KDM4D: variants seen among roughly 807,000 people sequenced by gnomAD.
KDM4D encodes lysine-specific demethylase 4D.
For missense variants in KDM4D, 427 were observed against 674.8 expected (o/e 0.63, Z 4.07); for synonymous variants, 254 against 249.1 (o/e 1.02, Z -0.19).
intron 2 of KDM4D, among the ~76,000 whole-genome samples, chr11:94,977,296 G>T (rs1857805136): frequency 6.6e-6 from 1 of 151,946 alleles, no homozygotes; most frequent in African/African-American, 2.4e-5. Context: ...CAGTCAGACA[G>T]CGGGGGGCAT....
intron 2 of KDM4D, among the ~76,000 whole-genome samples, chr11:94,995,876 C>T (rs114533818): frequency 0.014 from 2,153 of 152,234 alleles, 52 homozygotes; most frequent in African/African-American, 0.05. Flanking sequence ...CTGGAAAAAT[C>T]CTAACCCTGA....
At chr11:94,995,249 C>T (rs587702617) in intron 2 of KDM4D, among the ~76,000 whole-genome samples, 3 of 152,214 alleles carry the variant, frequency 2.0e-5, no homozygotes, top group East Asian at 3.9e-4. Flanking sequence ...TTTCTCTATA[C>T]CTTGGTTTCT....
chr11:94,985,534 C>T (rs1037725019), intron 2 of KDM4D, among the ~76,000 whole-genome samples: 8 of 151,952 alleles, frequency 5.3e-5, no homozygotes, highest in Admixed American at 4.6e-4. Flanking sequence ...TGATGCAATC[C>T]TACCATCATT....
chr11:94,989,228 T>C (rs587596997), intron 2 of KDM4D, among the ~76,000 whole-genome samples: 1 of 152,308 alleles, frequency 6.6e-6, no homozygotes, highest in South Asian at 2.1e-4. Flanking sequence ...TATTGAGTAG[T>C]TTACAGAATC....
intron 2 of KDM4D, among the ~76,000 whole-genome samples, chr11:94,980,247 G>A (rs1857832554): frequency 6.6e-6 from 1 of 152,042 alleles, no homozygotes; most frequent in South Asian, 2.1e-4. Flanking sequence ...ATATTCTCAG[G>A]TATTATCTTC....
chr11:94,986,814 C>T (rs75721321), intron 2 of KDM4D, among the ~76,000 whole-genome samples: 1,810 of 152,240 alleles, frequency 0.012, 46 homozygotes, highest in African/African-American at 0.041. Context: ...TATACTCCTA[C>T]GTATCTACCC....
At chr11:94,996,359 C>T (rs1487190564) in intron 2 of KDM4D, among the ~76,000 whole-genome samples, 1 of 152,196 alleles carries the variant, frequency 6.6e-6, no homozygotes, top group Non-Finnish European at 1.5e-5. Context: ...CCCCCCTACA[C>T]AACAACCCCT....
Position 94,997,687 on chromosome 11 carries a change from A to C in KDM4D, c.315A>C (p.Ala105=), listed in dbSNP as rs1215245527. 5.0e-6 allele frequency: 8 copies of C among 1,614,250 alleles called. No individual in the cohort carries two copies. The highest frequency in any genetic ancestry group is 6.8e-6 in the Non-Finnish European group (8 of 1,180,034). The part of the protein sequence containing the change: ...AMTVGEYRHL[A]NSKKYQTPPH... ...CTGTGGGGGAGTATCGCCATTTGGC[A>C]AACAGTAAAAAATATCAGACTCCAC... The change falls in exon 3 of 3, where the codon GCA becomes GCC. Residue 105 remains alanine (A), a synonymous_variant. Coordinates refer to ENST00000335080, the MANE Select transcript of KDM4D (RefSeq NM_018039.3).
intron 2 of KDM4D, among the ~76,000 whole-genome samples, chr11:94,993,626 A>C (rs1375085440): frequency 6.6e-6 from 1 of 151,982 alleles, no homozygotes; most frequent in Non-Finnish European, 1.5e-5. Flanking sequence ...TCTTCCTAGA[A>C]TCCTTAGAAA....
chr11:94,992,538 A>T (rs1488967913), intron 2 of KDM4D, among the ~76,000 whole-genome samples: 1 of 152,022 alleles, frequency 6.6e-6, no homozygotes, highest in African/African-American at 2.4e-5. Flanking sequence ...TAAAATATAT[A>T]TTTTTTCAAA....
chr11:94,979,785 G>A (rs1555097387), intron 2 of KDM4D, among the ~76,000 whole-genome samples: 1 of 152,082 alleles, frequency 6.6e-6, no homozygotes, highest in Non-Finnish European at 1.5e-5. Context: ...GAACATTTCT[G>A]TAAATGTGCA....
chr11:94,979,965 A>G (rs181059520), intron 2 of KDM4D, among the ~76,000 whole-genome samples: 29 of 152,290 alleles, frequency 1.9e-4, no homozygotes, highest in African/African-American at 5.8e-4. Context: ...CTGATTATTA[A>G]TTCACATGTT....
chr11:94,997,699 AT>A lies in KDM4D; in HGVS notation c.328del (p.Tyr110IlefsTer63). ...EYRHLANSKK[Y>X]QTPPHQNFED... Reference sequence around the variant, plus strand: ...ATCGCCATTTGGCAAACAGTAAAAAATATCAGACTCCACCACACCAGAATTT... The same window carrying A: ...ATCGCCATTTGGCAAACAGTAAAAAAATCAGACTCCACCACACCAGAATTT... On this transcript the variant is annotated frameshift_variant, in exon 3 of 3. Coordinates refer to ENST00000335080, the MANE Select transcript of KDM4D (RefSeq NM_018039.3). LOFTEE classifies it low-confidence loss of function (END_TRUNC). 6.2e-7 allele frequency: 1 copy of A among 1,614,278 alleles called. No homozygotes were observed. Among genetic ancestry groups the A allele is most frequent in the Non-Finnish European group, 8.5e-7 (1 of 1,180,048 alleles).
intron 2 of KDM4D, among the ~76,000 whole-genome samples, chr11:94,995,605 C>A (rs1482366064): frequency 3.3e-5 from 5 of 152,098 alleles, no homozygotes; most frequent in Non-Finnish European, 7.4e-5. Context: ...AGTCAAAACT[C>A]AGGAAGATGT....
chr11:94,982,924 C>A (rs1425512761), intron 2 of KDM4D, among the ~76,000 whole-genome samples: 2 of 151,900 alleles, frequency 1.3e-5, no homozygotes, highest in Non-Finnish European at 2.9e-5. Context: ...TATGAAAATA[C>A]ACCTCTAATT....
intron 1 of KDM4D, among the ~76,000 whole-genome samples, chr11:94,975,224 C>A (rs1408319515): frequency 6.6e-6 from 1 of 152,116 alleles, no homozygotes; most frequent in African/African-American, 2.4e-5. Context: ...GTTTTCCTAC[C>A]CCCACCCCTC....
At chr11:94,989,732 T>TTC (rs199925760) in intron 2 of KDM4D, among the ~76,000 whole-genome samples, 5,933 of 142,194 alleles carry the variant, frequency 0.042, 167 homozygotes, top group Admixed American at 0.096. Flanking sequence ...TTAACCTTCT[T>TTC]TCTCTCTCTC....
chr11:94,997,583 A>G lies in KDM4D; in HGVS notation c.211A>G (p.Ile71Val). 2 of 1,613,922 alleles carry G rather than the reference A, an allele frequency of 1.2e-6. No homozygotes were observed. Among genetic ancestry groups the G allele is most frequent in the South Asian group, 1.1e-5 (1 of 90,972 alleles). Residue 71 changes from isoleucine (I) to valine (V), a missense_variant, in exon 3 of 3, where the codon ATA (isoleucine) becomes GTA (valine). By Grantham distance (29) the Ile-to-Val change is conservative. Transcript: ENST00000335080. ...ETYDNISEILIATPLQQVASG... is the reference protein window; with the variant it reads ...ETYDNISEILVATPLQQVASG... ...CTATGATAATATCAGTGAAATCTTA[A>G]TAGCCACTCCCCTCCAGCAGGTGGC...
chr11:94,995,687 A>G (rs587699758), intron 2 of KDM4D, among the ~76,000 whole-genome samples: 71 of 152,328 alleles, frequency 4.7e-4, no homozygotes, highest in Non-Finnish European at 4.0e-4. Flanking sequence ...GAGCATCCCA[A>G]TCTTTTTTGA....
Sources: gnomAD v4.1 joint callset for allele counts (sites outside exome capture counted in the v4.1 genomes callset) on GRCh38, gnomAD v4.1.1 for gene constraint, MANE v1.5 for transcripts, NCBI Gene and HGNC (gene_info 2026-07-23, HGNC 2026-07-21) for gene names.